RIMS1: variants seen among roughly 807,000 people sequenced by gnomAD.
RIMS1 encodes regulating synaptic membrane exocytosis protein 1.
In RIMS1, 83 loss-of-function variants were observed where a neutral mutation model predicts 214.1. The observed-to-expected ratio is 0.39, with a 90% CI of 0.32 to 0.47. RIMS1 has a LOEUF of 0.47. RIMS1 is among the 20% of genes least tolerant of loss of function. RIMS1 has a pLI of 0.99. For missense variants in RIMS1, 2,050 were observed against 2,161.8 expected, an observed-to-expected ratio of 0.95 and a Z score of 1.03; for synonymous variants, 793 against 786.8, an observed-to-expected ratio of 1.01 and a Z score of -0.13.
intron 8 of RIMS1, among the ~76,000 whole-genome samples, 192 bp from the exon 9 acceptor site, chr6:72,237,631 A>G (rs2064789764): frequency 6.6e-6 from 1 of 151,740 alleles, no homozygotes; most frequent in Non-Finnish European, 1.5e-5. Flanking sequence ...AGCTGTGATC[A>G]TGCCACTGCA....
intron 4 of RIMS1, among the ~76,000 whole-genome samples, chr6:72,115,963 A>G (rs1305899339): frequency 6.6e-6 from 1 of 151,926 alleles, no homozygotes; most frequent in East Asian, 1.9e-4. Flanking sequence ...GGCTAGCAGA[A>G]ATAATTCTTA....
intron 4 of RIMS1, among the ~76,000 whole-genome samples, chr6:72,114,811 T>C (rs756881417): frequency 3.3e-5 from 5 of 151,978 alleles, no homozygotes; most frequent in Non-Finnish European, 5.9e-5. Flanking sequence ...GAACTGTACT[T>C]AGCTATTGTT....
At chr6:72,365,232 TC>T (rs1205989196) in intron 29 of RIMS1, among the ~76,000 whole-genome samples, 1 of 152,230 alleles carries the variant, frequency 6.6e-6, no homozygotes, top group African/African-American at 2.4e-5. Flanking sequence ...TTACGTTCTT[TC>T]TCTGTGCCTT....
intron 22 of RIMS1, among the ~76,000 whole-genome samples, chr6:72,272,448 AT>A (rs1349701919): frequency 6.6e-6 from 1 of 152,158 alleles, no homozygotes; most frequent in Non-Finnish European, 1.5e-5. Context: ...CAGATTTATT[AT>A]ATTGGTACTA....
intron 29 of RIMS1, among the ~76,000 whole-genome samples, chr6:72,365,388 C>A (rs9446630): frequency 0.014 from 2,069 of 152,290 alleles, 49 homozygotes; most frequent in African/African-American, 0.048. Context: ...GAGGCAGATA[C>A]ATTGTTTACC....
intron 4 of RIMS1, among the ~76,000 whole-genome samples, chr6:72,114,882 T>C (rs2036777880): frequency 6.6e-6 from 1 of 151,946 alleles, no homozygotes; most frequent in Non-Finnish European, 1.5e-5. Flanking sequence ...TATTCAGATT[T>C]TATGGTATGA....
intron 4 of RIMS1, among the ~76,000 whole-genome samples, chr6:72,139,114 CTGTG>C (rs374647869): frequency 6.6e-6 from 1 of 151,502 alleles, no homozygotes; most frequent in Non-Finnish European, 1.5e-5. Flanking sequence ...TTCTGTGTGT[CTGTG>C]TGTGTGTGTA....
intron 2 of RIMS1, among the ~76,000 whole-genome samples, chr6:72,032,745 A>C (rs1306785758): frequency 1.3e-5 from 2 of 152,204 alleles, no homozygotes; most frequent in Non-Finnish European, 2.9e-5. Flanking sequence ...TATATGTCTG[A>C]TTATTTCTAC....
At chr6:72,350,354 A>G (rs1296618787) in intron 29 of RIMS1, among the ~76,000 whole-genome samples, 1 of 152,116 alleles carries the variant, frequency 6.6e-6, no homozygotes, top group African/African-American at 2.4e-5. Context: ...TTCAATGATG[A>G]GTCCCTTGGT....
chr6:72,055,704 T>C (rs971881516), intron 2 of RIMS1, among the ~76,000 whole-genome samples: 2 of 152,140 alleles, frequency 1.3e-5, no homozygotes, highest in Non-Finnish European at 2.9e-5. Flanking sequence ...AAAATCAAAA[T>C]CATAATGAGA....
chr6:72,000,163 T>C lies in RIMS1; in HGVS notation c.245+31100T>C, dbSNP rs184188972. ...TTGGATATCAGTATATGATATGATA[T>C]ATTAATAACATAAATCTTATATGAT... On this transcript the variant is annotated intron_variant, in intron 2 of 33. Coordinates refer to ENST00000521978, the MANE Select transcript of RIMS1 (RefSeq NM_014989.7). 2.0e-3 allele frequency among the ~76,000 whole-genome samples: 303 copies of C among 152,234 alleles called. 1 individual carries two copies. Among genetic ancestry groups the C allele is most frequent in the South Asian group, 3.9e-3 (19 of 4,828 alleles).
chr6:72,123,866 C>G (rs922156848), intron 4 of RIMS1, among the ~76,000 whole-genome samples: 1 of 151,550 alleles, frequency 6.6e-6, no homozygotes, highest in African/African-American at 2.4e-5. Flanking sequence ...CTATGTGTGT[C>G]TCTGCATGTG....
intron 5 of RIMS1, among the ~76,000 whole-genome samples, chr6:72,180,256 G>T (rs764494703): frequency 6.6e-6 from 1 of 152,224 alleles, no homozygotes; most frequent in Non-Finnish European, 1.5e-5. Flanking sequence ...GAGAGGATGT[G>T]ATGGGGGAAT....
At chr6:71,934,518 C>T (rs755717406) in intron 1 of RIMS1, among the ~76,000 whole-genome samples, 1 of 152,134 alleles carries the variant, frequency 6.6e-6, no homozygotes, top group Non-Finnish European at 1.5e-5. Context: ...ATATTTTATA[C>T]TTAACAGTTA....
intron 4 of RIMS1, among the ~76,000 whole-genome samples, chr6:72,176,981 T>C (rs1427018064): frequency 6.6e-6 from 1 of 152,212 alleles, no homozygotes; most frequent in African/African-American, 2.4e-5. Flanking sequence ...TTAGTTCTCA[T>C]TGACCCATTT....
intron 1 of RIMS1, among the ~76,000 whole-genome samples, chr6:71,948,897 C>G (rs541525987): frequency 1.3e-5 from 2 of 152,194 alleles, no homozygotes; most frequent in South Asian, 4.1e-4. Context: ...CTTATGTTTT[C>G]AGTCTTTAAA....
chr6:71,953,580 A>C (rs1790299740), intron 1 of RIMS1, among the ~76,000 whole-genome samples: 1 of 151,652 alleles, frequency 6.6e-6, no homozygotes, highest in Non-Finnish European at 1.5e-5. Context: ...TAACATTCTG[A>C]CTTATTTCTC....
At chr6:72,284,311 C>G (rs1346405986) in intron 24 of RIMS1, among the ~76,000 whole-genome samples, 193 bp downstream of exon 24, 1 of 152,104 alleles carries the variant, frequency 6.6e-6, no homozygotes, top group Non-Finnish European at 1.5e-5. Flanking sequence ...CAAGGCGGTT[C>G]TTAAATCTTA....
intron 2 of RIMS1, among the ~76,000 whole-genome samples, chr6:72,001,396 T>C (rs1412860148): frequency 6.6e-6 from 1 of 152,178 alleles, no homozygotes; most frequent in Non-Finnish European, 1.5e-5. Context: ...ATCCTCATAA[T>C]TGGCATTTTG....
Sources: allele counts gnomAD v4.1 joint callset (sites outside exome capture counted in the v4.1 genomes callset), GRCh38; gene constraint gnomAD v4.1.1; transcripts MANE v1.5; gene names NCBI Gene and HGNC (gene_info 2026-07-23, HGNC 2026-07-21).